Variants in PLD5 observed in about 807,000 individuals in gnomAD.
PLD5 encodes the protein phospholipase D family member 5.
In PLD5, 36 loss-of-function variants were observed where a neutral mutation model predicts 61.1. The ratio of observed to expected loss-of-function variants is 0.59; its 90% CI spans 0.45 to 0.78. PLD5 has a LOEUF of 0.78. Among genes scored for constraint, PLD5 ranks in the 30% least tolerant of loss-of-function variants. The pLI, the probability that PLD5 is intolerant of heterozygous loss-of-function variation, is 0.00. For missense variants in PLD5, 515 were observed against 644.4 expected, an observed-to-expected ratio of 0.80 and a Z score of 2.17; for synonymous variants, 243 against 242.8, an observed-to-expected ratio of 1.00 and a Z score of -0.01.
rs201691528 is a variant in PLD5 at position 242,300,649 on chromosome 1, C to T, written c.327-12119G>A. Reference sequence around the variant, plus strand: ...ACACGGTGTGAGGTTGTGGTTTATACTGTGTGATGAAAAGACACAGTGGAT... The same window carrying T: ...ACACGGTGTGAGGTTGTGGTTTATATTGTGTGATGAAAAGACACAGTGGAT... On this transcript the variant is annotated intron_variant, in intron 2 of 9. Transcript: ENST00000536534. 1.2e-4 allele frequency among the ~76,000 whole-genome samples: 18 copies of T among 151,758 alleles called. No individual in the cohort carries two copies. The East Asian group carries it at 2.9e-3, about 25-fold the overall frequency.
At chr1:242,486,707 C>G (rs948548925) in intron 1 of PLD5, among the ~76,000 whole-genome samples, 3 of 152,136 alleles carry the variant, frequency 2.0e-5, no homozygotes, top group Non-Finnish European at 4.4e-5. Flanking sequence ...CATCCCATTA[C>G]TGGGTATATA....
At chr1:242,253,252 C>A (rs1672813935) in intron 4 of PLD5, among the ~76,000 whole-genome samples, 1 of 150,666 alleles carries the variant, frequency 6.6e-6, no homozygotes, top group Non-Finnish European at 1.5e-5. Context: ...CCACCTCAGC[C>A]TCCCAAAGTG....
intron 5 of PLD5, among the ~76,000 whole-genome samples, chr1:242,212,493 C>T (rs1280086956): frequency 2.6e-5 from 4 of 152,352 alleles, no homozygotes; most frequent in African/African-American, 9.6e-5. Flanking sequence ...CCCAGGAACT[C>T]GACCTGCATA....
intron 5 of PLD5, among the ~76,000 whole-genome samples, chr1:242,202,881 G>A (rs2148959699): frequency 6.6e-6 from 1 of 152,268 alleles, no homozygotes. Flanking sequence ...CAGAGATTCT[G>A]AAACCAGCCT....
At chr1:242,491,011 TCTC>T (rs1668133382) in intron 1 of PLD5, among the ~76,000 whole-genome samples, 1 of 152,196 alleles carries the variant, frequency 6.6e-6, no homozygotes, top group Non-Finnish European at 1.5e-5. Context: ...GACATGACAG[TCTC>T]CTCCTTTCAG....
chr1:242,115,054 T>G (rs915555698), intron 6 of PLD5, among the ~76,000 whole-genome samples: 1 of 151,992 alleles, frequency 6.6e-6, no homozygotes, highest in Non-Finnish European at 1.5e-5. Context: ...GGTGTGCACC[T>G]GTAATCCCAG....
At chr1:242,383,571 C>T (rs569403035) in intron 1 of PLD5, among the ~76,000 whole-genome samples, 1 of 151,740 alleles carries the variant, frequency 6.6e-6, no homozygotes, top group East Asian at 1.9e-4. Flanking sequence ...AAGCTTCTGC[C>T]TAAGCTTTTG....
intron 1 of PLD5, among the ~76,000 whole-genome samples, chr1:242,444,021 GAGGCTCAACAAT>G (rs1420724107): frequency 6.6e-6 from 1 of 152,102 alleles, no homozygotes; most frequent in Non-Finnish European, 1.5e-5. Flanking sequence ...CAGTATCCAG[GAGGCTCAACAAT>G]AGGATAAAAA....
chr1:242,217,304 G>C (rs1670277265), intron 5 of PLD5, among the ~76,000 whole-genome samples: 1 of 152,138 alleles, frequency 6.6e-6, no homozygotes, highest in Non-Finnish European at 1.5e-5. Flanking sequence ...CTTCTGGGAA[G>C]GCTTCACCAT....
chr1:242,524,157 G>T lies in PLD5; in HGVS notation c.120C>A (p.Phe40Leu). The change falls in exon 1 of 10, where the codon TTC becomes TTA. Residue 40 changes from phenylalanine to leucine, a missense_variant. Transcript: ENST00000536534. ...SPSLTRVGAN[F>L]YSSVKQQDYS... ...AGTCCTGCTGCTTGACGCTGCTGTA[G>T]AAGTTCGCGCCCACTCGGGTCAGGC... 1 of 1,535,630 alleles carries T rather than the reference G, an allele frequency of 6.5e-7. No homozygotes were observed.
chr1:242,511,038 C>A (rs560644881), intron 1 of PLD5, among the ~76,000 whole-genome samples: 1 of 152,074 alleles, frequency 6.6e-6, no homozygotes, highest in South Asian at 2.1e-4. Context: ...TAGGAAGGGG[C>A]AGAACATGAG....
chr1:242,310,698 T>A (rs184950498), intron 2 of PLD5, among the ~76,000 whole-genome samples: 1 of 152,212 alleles, frequency 6.6e-6, no homozygotes, highest in Non-Finnish European at 1.5e-5. Flanking sequence ...GCTGAGAAAA[T>A]AACAGAATTA....
In PLD5 at chr1:242,088,096, A is replaced by G. The variant is rs555843719; in HGVS notation, c.*1758T>C. The G allele has an allele frequency of 3.3e-5, 5 of 152,302 alleles. No homozygotes were observed. The highest frequency in any genetic ancestry group is 2.1e-4 in the South Asian group (1 of 4,824). The allele number at this position is 152,302 out of a possible 1,614,324, so 9.4% of individuals were successfully genotyped here. A position where few individuals can be genotyped will look rare whatever the true frequency, so the allele number is the denominator to read the frequency against. ...GATAAGATTCACAGGCTCCTCGATC[A>G]CTCTTTTGGCATTTAGAAATCAAGT... On this transcript the variant is annotated 3_prime_UTR_variant, in exon 10 of 10. Coordinates refer to ENST00000536534, the MANE Select transcript of PLD5 (RefSeq NM_001372062.1).
rs1659426386 is a variant in PLD5 at position 242,085,927 on chromosome 1, G to A, written c.*3927C>T. The A allele has an allele frequency of 6.6e-6, 1 of 151,582 alleles. No homozygotes were observed. The highest frequency in any genetic ancestry group is 6.6e-5 in the Admixed American group (1 of 15,218). The allele number at this position is 151,582 out of a possible 1,614,324, so 9.4% of individuals were successfully genotyped here. A position where few individuals can be genotyped will look rare whatever the true frequency, so the allele number is the denominator to read the frequency against. ...AGAATTCCTGAGACAGATAGACCCT[G>A]GATCTGATCTTATCAAGAAATTCTT... is the stretch of plus-strand genomic sequence containing the variant. On this transcript the variant is annotated 3_prime_UTR_variant, in exon 10 of 10. Coordinates refer to ENST00000536534, the MANE Select transcript of PLD5 (RefSeq NM_001372062.1).
intron 5 of PLD5, among the ~76,000 whole-genome samples, chr1:242,140,667 A>AT (rs1484539932): frequency 6.6e-6 from 1 of 152,030 alleles, no homozygotes; most frequent in Non-Finnish European, 1.5e-5. Context: ...AATAAAAGAT[A>AT]TTTTCTGGAA....
At chr1:242,112,208 G>A (rs1404558134) in intron 7 of PLD5, among the ~76,000 whole-genome samples, 1 of 150,998 alleles carries the variant, frequency 6.6e-6, no homozygotes, top group Non-Finnish European at 1.5e-5. Context: ...ACAAAGGGAG[G>A]AAAAATAAAA....
At chr1:242,336,607 T>C (rs1409490582) in intron 2 of PLD5, among the ~76,000 whole-genome samples, 1 of 152,188 alleles carries the variant, frequency 6.6e-6, no homozygotes, top group Non-Finnish European at 1.5e-5. Context: ...AATATCCACA[T>C]ATAAAATCAT....
intron 1 of PLD5, chr1:242,449,332 A>G (rs1292441047): frequency 1.3e-6 from 2 of 1,536,120 alleles, no homozygotes; most frequent in East Asian, 2.4e-5. Flanking sequence ...CTAGGTCTGT[A>G]GAAAACTCCA....
chr1:242,360,653 G>T (rs1558496142), intron 1 of PLD5, among the ~76,000 whole-genome samples: 1 of 151,940 alleles, frequency 6.6e-6, no homozygotes, highest in Admixed American at 6.6e-5. Context: ...TCTGCTTTTT[G>T]CACTCAATGG....
Sources: allele counts gnomAD v4.1 joint callset (sites outside exome capture counted in the v4.1 genomes callset), GRCh38; gene constraint gnomAD v4.1.1; transcripts MANE v1.5; gene names NCBI Gene and HGNC (gene_info 2026-07-23, HGNC 2026-07-21).